Variants in ZSCAN18 observed in about 807,000 individuals in gnomAD.
The protein encoded by ZSCAN18 is zinc finger and SCAN domain-containing protein 18.
Under a neutral mutation model 31.1 loss-of-function variants are expected in ZSCAN18, and 16 were observed. The observed-to-expected ratio is 0.51, with a 90% CI of 0.35 to 0.78. The LOEUF (loss-of-function observed/expected upper bound fraction) is 0.78. Ranked by LOEUF, ZSCAN18 falls within the 30% of genes least tolerant of loss-of-function variation. The pLI, the probability that ZSCAN18 is intolerant of heterozygous loss-of-function variation, is 0.01. For synonymous variants in ZSCAN18, 375 were observed against 320.7 expected, an observed-to-expected ratio of 1.17 and a Z score of -1.81; for missense variants, 731 against 697.4, an observed-to-expected ratio of 1.05 and a Z score of -0.54.
chr19:58,089,281 C>A (rs1457784356), intron 2 of ZSCAN18, among the ~76,000 whole-genome samples: 2 of 107,372 alleles, frequency 1.9e-5, no homozygotes, highest in South Asian at 3.4e-4. Flanking sequence ...CCAGCCTGGG[C>A]GACAGAGCGA....
intron 1 of ZSCAN18, chr19:58,109,085 A>G: frequency 8.1e-7 from 1 of 1,227,542 alleles, no homozygotes; most frequent in Non-Finnish European, 1.0e-6. Flanking sequence ...ACAGCCCCTC[A>G]TAGATGCTCT....
upstream of ZSCAN18, among the ~76,000 whole-genome samples, chr19:58,101,044 C>T (rs1455560417): frequency 1.3e-5 from 2 of 152,132 alleles, no homozygotes; most frequent in Non-Finnish European, 2.9e-5. Context: ...GATTCCGTTC[C>T]ACTGATCTAT....
At chr19:58,107,348 G>C (rs1018914033) in intron 1 of ZSCAN18, among the ~76,000 whole-genome samples, 2 of 151,924 alleles carry the variant, frequency 1.3e-5, no homozygotes, top group African/African-American at 4.8e-5. Context: ...CTTCAGGTCA[G>C]GAGTTCAAGA....
chr19:58,095,051 T>C (rs1006321825), intron 1 of ZSCAN18, among the ~76,000 whole-genome samples: 2 of 152,164 alleles, frequency 1.3e-5, no homozygotes, highest in African/African-American at 4.8e-5. Context: ...AGCAAGATCC[T>C]GTCTCTAATG....
intron 1 of ZSCAN18, among the ~76,000 whole-genome samples, chr19:58,097,698 C>T (rs1313200691): frequency 7.1e-6 from 1 of 141,838 alleles, no homozygotes. Flanking sequence ...CCCTCCTCTT[C>T]CCTTCAGGAG....
intron 1 of ZSCAN18, among the ~76,000 whole-genome samples, chr19:58,110,574 G>T (rs998202413): frequency 6.6e-6 from 1 of 152,114 alleles, no homozygotes; most frequent in Non-Finnish European, 1.5e-5. Flanking sequence ...TTTCTCAGTG[G>T]AAGAGGCCAG....
chr19:58,085,268 G>C lies in ZSCAN18; in HGVS notation c.950C>G (p.Pro317Arg), dbSNP rs200135927. The C allele has an allele frequency of 3.4e-4, 539 of 1,602,894 alleles. No homozygotes were observed. The highest frequency in any genetic ancestry group is 4.2e-4 in the Non-Finnish European group (490 of 1,178,010). Residue 317 changes from proline to arginine, a missense_variant, in exon 7 of 7, where the codon CCC (proline) becomes CGC (arginine). Around this residue, in one of 4 missense-constraint regions of ZSCAN18, gnomAD observed 597 missense variants for 499.5 expected, o/e 1.20. Coordinates refer to ENST00000601144, the MANE Select transcript of ZSCAN18 (RefSeq NM_001145543.2). ...CTCCTCCTCAGTGGTGCCCGACGGG[G>C]GATCGGCAAGGGCGTCCCCAGGGGG... ...EAPPGDALAD[P>R]PSGTTEEEEE...
In ZSCAN18 at chr19:58,095,860, A is replaced by G. The variant is rs568503950; in HGVS notation, c.-120+2314T>C. On this transcript the variant is annotated intron_variant, in intron 1 of 6. Coordinates refer to ENST00000601144, the MANE Select transcript of ZSCAN18 (RefSeq NM_001145543.2). ...ATTCACCTGCAAAGCAGAAGCTTCC[A>G]TGGAACCAGGGGTCTCCTAAAACGC... Among the ~76,000 whole-genome samples, 8 of 152,286 alleles carry G rather than the reference A, an allele frequency of 5.3e-5. No homozygotes were observed. In the South Asian group the frequency reaches 1.4e-3, roughly 28 times the overall value.
At chr19:58,115,592 C>T (rs1168240002) in intron 1 of ZSCAN18, among the ~76,000 whole-genome samples, 2 of 152,174 alleles carry the variant, frequency 1.3e-5, no homozygotes, top group Non-Finnish European at 2.9e-5. Flanking sequence ...GTTCCCACAA[C>T]ATTAACATGT....
rs2074398922 is a variant in ZSCAN18, at chr19:58,090,970, T to C, written c.-119-584A>G. On this transcript the variant is annotated intron_variant, in intron 1 of 6. Transcript: ENST00000601144. This position sits in a 1 kb window ranked among gnomAD's most constrained non-coding sequence, Gnocchi z 4.7. ...TTGACAATCTCTATGTAAACCTGGA[T>C]GTAAAAACCTTGAAATAGGCCAGGC... Among the ~76,000 whole-genome samples the C allele has an allele frequency of 6.6e-6, 1 of 151,944 alleles. No individual in the cohort carries two copies. The highest frequency in any genetic ancestry group is 1.9e-4 in the East Asian group (1 of 5,174).
At chr19:58,085,630 C>G in intron 6 of ZSCAN18, 1 of 514,426 alleles carries the variant, frequency 1.9e-6, no homozygotes, top group Non-Finnish European at 3.4e-6. Flanking sequence ...GGAAGGACAG[C>G]CCCACTGAGC....
At chr19:58,097,921 G>C in intron 1 of ZSCAN18, 2 of 983,114 alleles carry the variant, frequency 2.0e-6, no homozygotes, top group Non-Finnish European at 2.4e-6. Flanking sequence ...GGTTGCACTA[G>C]TTCCCTACCT....
intron 1 of ZSCAN18, among the ~76,000 whole-genome samples, chr19:58,096,326 C>G (rs2074520003): frequency 6.6e-6 from 1 of 152,308 alleles, no homozygotes; most frequent in Middle Eastern, 3.4e-3. Context: ...GCAAACCTCC[C>G]TCCCCTAATC....
intron 1 of ZSCAN18, chr19:58,108,143 G>T: frequency 3.0e-6 from 3 of 986,972 alleles, no homozygotes; most frequent in Non-Finnish European, 3.6e-6. Flanking sequence ...GACTGTTGTG[G>T]TTGGAGAATT....
intron 3 of ZSCAN18, chr19:58,087,928 C>T (rs1233326865): frequency 1.9e-5 from 3 of 159,136 alleles, no homozygotes; most frequent in Non-Finnish European, 4.2e-5. Flanking sequence ...GCATGAGGCA[C>T]TGTGCCTGGC....
At chr19:58,088,964 G>C in intron 2 of ZSCAN18, 127 bp from the exon 3 acceptor site, 1 of 868,432 alleles carries the variant, frequency 1.2e-6, no homozygotes, top group Non-Finnish European at 1.7e-6. Flanking sequence ...ACCTCATCTT[G>C]GACCAGGAGA....
rs1600011265 is a variant in ZSCAN18 at position 58,109,328 on chromosome 19, T to C, written c.130+8939A>G. The C allele has an allele frequency of 4.9e-6, 6 of 1,231,640 alleles. No individual in the cohort carries two copies. The East Asian group carries it at 1.6e-4, about 32-fold the overall frequency. 76.3% of individuals were successfully genotyped at this position (1,231,640 alleles called of 1,614,324 possible). A position where few individuals can be genotyped will look rare whatever the true frequency, so the allele number is the denominator to read the frequency against. Reference sequence around the variant, plus strand: ...GCTGGAAAGGAAAAGGGGAAAATTTTTGAATCCTTAGAGAAAAAATTGCTA... The same window carrying C: ...GCTGGAAAGGAAAAGGGGAAAATTTCTGAATCCTTAGAGAAAAAATTGCTA... On this transcript the variant is annotated intron_variant, in intron 1 of 1. Coordinates refer to the ZSCAN18 transcript ENST00000595721.
At chr19:58,115,570 A>G (rs1432977876) in intron 1 of ZSCAN18, among the ~76,000 whole-genome samples, 2 of 152,210 alleles carry the variant, frequency 1.3e-5, no homozygotes, top group African/African-American at 2.4e-5. Context: ...AGTTAACATT[A>G]TATTACGGGT....
chr19:58,104,397 C>A lies in ZSCAN18; in HGVS notation c.130+13870G>T, dbSNP rs1447509035. ...GTCTCAAAAACAAAACAAAACAAAA[C>A]AAAACAAAAAAAAAGTCTGGGCCGG... is the stretch of plus-strand genomic sequence containing the variant. On this transcript the variant is annotated intron_variant, in intron 1 of 1. Coordinates refer to the ZSCAN18 transcript ENST00000595721. 5.2e-3 allele frequency among the ~76,000 whole-genome samples: 616 copies of A among 119,332 alleles called. 6 individuals are homozygous for A. Among genetic ancestry groups the A allele is most frequent in the African/African-American group, 0.026 (532 of 20,772 alleles). The allele number at this position is 119,332 out of a possible 152,430, so 78.3% of individuals were successfully genotyped here.
Sources: allele counts gnomAD v4.1 joint callset (sites outside exome capture counted in the v4.1 genomes callset), GRCh38; gene constraint gnomAD v4.1.1; regional missense constraint gnomAD v4.1.1; non-coding constraint Gnocchi (gnomAD v3.1); transcripts MANE v1.5; gene names NCBI Gene and HGNC (gene_info 2026-07-23, HGNC 2026-07-21).